PDE7B: variants seen among roughly 807,000 people sequenced by gnomAD.
PDE7B encodes the protein 3',5'-cyclic-AMP phosphodiesterase 7B.
In PDE7B, 29 loss-of-function variants were observed where a neutral mutation model predicts 56.2. The observed-to-expected ratio is 0.52, with a 90% CI of 0.38 to 0.70. The LOEUF is 0.70. Ranked by LOEUF, PDE7B falls within the 30% of genes least tolerant of loss-of-function variation. The probability of loss-of-function intolerance (pLI) is 0.00; values close to 1 mark genes in which losing one functional copy is unlikely to be tolerated. For synonymous variants in PDE7B, 197 were observed against 196.9 expected (o/e 1.00, Z 0.00); for missense variants, 490 against 565.0 (o/e 0.87, Z 1.35).
chr6:136,029,965 A>T (rs559928402), intron 2 of PDE7B, among the ~76,000 whole-genome samples: 1 of 152,302 alleles, frequency 6.6e-6, no homozygotes, highest in East Asian at 1.9e-4. Context: ...TTCACTCTAA[A>T]TTCTCCTGCC....
At chr6:135,906,236 A>G (rs575854764) in intron 1 of PDE7B, among the ~76,000 whole-genome samples, 1 of 152,188 alleles carries the variant, frequency 6.6e-6, no homozygotes, top group Admixed American at 6.5e-5. Context: ...TAGAGAACTT[A>G]TTGTATAAAT....
chr6:136,173,867 C>T lies in PDE7B; in HGVS notation c.782C>T (p.Ala261Val). The change falls in exon 9 of 13, where the codon GCT becomes GTT. Residue 261 changes from alanine (A) to valine (V), a missense_variant. Transcript: ENST00000308191. ...ATGCTTCGAGAATCAAGGCTTCTTGCTCATTTGCCAAAGGAAATGACGTAA... is the reference window on the plus strand; with the variant it reads ...ATGCTTCGAGAATCAAGGCTTCTTGTTCATTTGCCAAAGGAAATGACGTAA... ...IGMLRESRLLAHLPKEMTQDI... is the reference protein window; with the variant it reads ...IGMLRESRLLVHLPKEMTQDI... 6.2e-7 allele frequency: 1 copy of T among 1,611,584 alleles called. No individual in the cohort carries two copies.
intron 8 of PDE7B, among the ~76,000 whole-genome samples, chr6:136,165,010 TTATA>T (rs1421610065): frequency 1.3e-5 from 2 of 152,204 alleles, no homozygotes; most frequent in African/African-American, 4.8e-5. Flanking sequence ...TTGTAACCAC[TTATA>T]TTTATGATTT....
At chr6:136,091,798 C>A (rs1777391548) in intron 2 of PDE7B, among the ~76,000 whole-genome samples, 1 of 151,914 alleles carries the variant, frequency 6.6e-6, no homozygotes, top group African/African-American at 2.4e-5. Context: ...CTGGGACAGC[C>A]AAGACTGGGA....
chr6:135,862,102 T>C (rs140324541), intron 1 of PDE7B, among the ~76,000 whole-genome samples: 2 of 151,994 alleles, frequency 1.3e-5, no homozygotes, highest in East Asian at 3.9e-4. Flanking sequence ...AACTTTGTTT[T>C]ATTGTACTGG....
chr6:136,053,189 C>G (rs1343966075), intron 2 of PDE7B, among the ~76,000 whole-genome samples: 1 of 149,864 alleles, frequency 6.7e-6, no homozygotes, highest in Non-Finnish European at 1.5e-5. Context: ...AGGTATATCT[C>G]TTAATGCTAT....
At chr6:135,865,615 TTG>T (rs3037648) in intron 1 of PDE7B, among the ~76,000 whole-genome samples, 87,623 of 142,148 alleles carry the variant, frequency 0.62, 29,055 homozygotes, top group Non-Finnish European at 0.75. Context: ...GCACTAGGCA[TTG>T]TGTGTGTGTG....
At chr6:135,987,498 T>A (rs886577020) in intron 2 of PDE7B, among the ~76,000 whole-genome samples, 1 of 152,126 alleles carries the variant, frequency 6.6e-6, no homozygotes, top group African/African-American at 2.4e-5. Context: ...GATTGTGGTA[T>A]CTCAAATGGA....
At chr6:136,149,726 A>T (rs1054851433) in intron 5 of PDE7B, among the ~76,000 whole-genome samples, 2 of 152,188 alleles carry the variant, frequency 1.3e-5, no homozygotes, top group African/African-American at 2.4e-5. Context: ...AGAAAATAAT[A>T]AAAAACCTAT....
At chr6:136,107,134 C>T (rs1429211187) in intron 2 of PDE7B, among the ~76,000 whole-genome samples, 2 of 152,192 alleles carry the variant, frequency 1.3e-5, no homozygotes, top group South Asian at 4.1e-4. Flanking sequence ...CTATGAGGGA[C>T]ATTTTAAGCA....
intron 2 of PDE7B, among the ~76,000 whole-genome samples, chr6:136,049,869 A>G (rs149712996): frequency 6.6e-6 from 1 of 152,354 alleles, no homozygotes; most frequent in Non-Finnish European, 1.5e-5. Flanking sequence ...CTTTAAATGG[A>G]ACAGTAAAGG....
Position 135,926,212 on chromosome 6 carries a change from G to A in PDE7B, c.22-21252G>A, listed in dbSNP as rs1164213262. Reference sequence around the variant, plus strand: ...CGCCATTCTCCTGCCTCAGCCTCCCGAGCAGCTGGGACTACAGGCACCCGC... The same window carrying A: ...CGCCATTCTCCTGCCTCAGCCTCCCAAGCAGCTGGGACTACAGGCACCCGC... On this transcript the variant is annotated intron_variant, in intron 1 of 12. Transcript: ENST00000308191. 2.7e-5 allele frequency among the ~76,000 whole-genome samples: 4 copies of A among 149,854 alleles called. No individual in the cohort carries two copies. The South Asian group carries it at 6.4e-4, about 24-fold the overall frequency.
intron 1 of PDE7B, among the ~76,000 whole-genome samples, chr6:135,901,968 T>C (rs1776009291): frequency 6.6e-6 from 1 of 152,126 alleles, no homozygotes; most frequent in Non-Finnish European, 1.5e-5. Flanking sequence ...TCTCTAAGTT[T>C]CAGCTTCCAT....
intron 1 of PDE7B, among the ~76,000 whole-genome samples, chr6:135,921,548 A>G (rs1311957078): frequency 6.6e-6 from 1 of 152,196 alleles, no homozygotes; most frequent in Non-Finnish European, 1.5e-5. Context: ...AGCATAATAT[A>G]TCCATCATCT....
intron 2 of PDE7B, among the ~76,000 whole-genome samples, chr6:136,000,536 T>C (rs1037527977): frequency 2.0e-5 from 3 of 152,170 alleles, no homozygotes; most frequent in African/African-American, 7.2e-5. Flanking sequence ...TTTTGTCAGA[T>C]GGTTGAAGAT....
At chr6:135,918,041 A>G (rs1891362) in intron 1 of PDE7B, among the ~76,000 whole-genome samples, 46,958 of 152,070 alleles carry the variant, frequency 0.31, 8,064 homozygotes, top group Middle Eastern at 0.38. Context: ...GAGGAGGTTA[A>G]TATTTGTCCA....
At chr6:135,989,660 T>C (rs1487992255) in intron 2 of PDE7B, among the ~76,000 whole-genome samples, 1 of 152,106 alleles carries the variant, frequency 6.6e-6, no homozygotes, top group East Asian at 1.9e-4. Flanking sequence ...ATCAAATAAA[T>C]GCAAAATTAT....
chr6:135,851,796 C>T lies in PDE7B; in HGVS notation c.-203C>T. ...ACCCAGGGAGAGTCTCTCTTTCTAC[C>T]TTCCTTCTTTCTCGATCTCCTTGTG... is the stretch of plus-strand genomic sequence containing the variant. On this transcript the variant is annotated 5_prime_UTR_variant, in exon 1 of 13. Transcript: ENST00000308191. 2 of 547,428 alleles carry T rather than the reference C, an allele frequency of 3.7e-6. No homozygotes were observed. The highest frequency in any genetic ancestry group is 3.2e-5 in the Admixed American group (1 of 31,506). The allele number at this position is 547,428 out of a possible 1,614,324, so 33.9% of individuals were successfully genotyped here.
intron 2 of PDE7B, chr6:136,072,495 T>A (rs2128214144): frequency 6.6e-6 from 1 of 152,382 alleles, no homozygotes; most frequent in East Asian, 1.9e-4. Context: ...CAGCCCTGTT[T>A]ATTTTTCTAT....
Sources: gnomAD v4.1 joint callset for allele counts (sites outside exome capture counted in the v4.1 genomes callset) on GRCh38, gnomAD v4.1.1 for gene constraint, MANE v1.5 for transcripts, NCBI Gene and HGNC (gene_info 2026-07-23, HGNC 2026-07-21) for gene names.